Variants in BMPR1B observed in about 807,000 individuals in gnomAD.
BMPR1B encodes bone morphogenetic protein receptor type-1B.
BMPR1B carries 12 observed loss-of-function variants against 59.1 expected under a neutral mutation model. The observed-to-expected ratio is 0.20, with a 90% CI of 0.13 to 0.33. The LOEUF (loss-of-function observed/expected upper bound fraction) is 0.33, where lower values mean the gene tolerates loss of function less well. BMPR1B is among the 10% of genes least tolerant of loss of function. BMPR1B has a pLI of 1.00. For missense variants in BMPR1B, 550 were observed against 610.9 expected (o/e 0.90, Z 1.05); for synonymous variants, 237 against 207.3 (o/e 1.14, Z -1.23).
At chr4:94,984,094 G>T (rs1437238623) in intron 2 of BMPR1B, among the ~76,000 whole-genome samples, 1 of 152,196 alleles carries the variant, frequency 6.6e-6, no homozygotes, top group Non-Finnish European at 1.5e-5. Context: ...CAATTGGAGG[G>T]GGAGGGCATG....
At chr4:94,838,934 C>T (rs922570603) in intron 1 of BMPR1B, among the ~76,000 whole-genome samples, 10 of 138,878 alleles carry the variant, frequency 7.2e-5, no homozygotes, top group East Asian at 2.0e-4. Flanking sequence ...GCTTTGAATG[C>T]GTCCCAGAGA....
At chr4:95,038,401 A>C (rs1258499829) in intron 3 of BMPR1B, among the ~76,000 whole-genome samples, 1 of 152,172 alleles carries the variant, frequency 6.6e-6, no homozygotes, top group Non-Finnish European at 1.5e-5. Flanking sequence ...TTTCGTCTAA[A>C]GCTTCTCACA....
chr4:95,028,442 GTAT>G (rs1049649188), intron 3 of BMPR1B, among the ~76,000 whole-genome samples: 8 of 152,062 alleles, frequency 5.3e-5, no homozygotes, highest in African/African-American at 1.9e-4. Flanking sequence ...CTGTCAAGGG[GTAT>G]TTATGGATAT....
Position 94,974,469 on chromosome 4 carries a change from A to G in BMPR1B, c.-112-21571A>G, listed in dbSNP as rs188974475. ...TCATGTATCCCTCATTGCCTTCCCA[A>G]CTCTGTCCTGAAATCACTGATGCAG... On this transcript the variant is annotated intron_variant, in intron 2 of 12. Coordinates refer to ENST00000515059, the MANE Select transcript of BMPR1B (RefSeq NM_001203.3). Among the ~76,000 whole-genome samples, 356 of 151,604 alleles carry G rather than the reference A, an allele frequency of 2.3e-3. 2 individuals carry two copies. Among genetic ancestry groups the G allele is most frequent in the African/African-American group, 8.0e-3 (331 of 41,330 alleles).
chr4:95,039,199 A>G (rs1725472517), intron 3 of BMPR1B, among the ~76,000 whole-genome samples: 1 of 152,344 alleles, frequency 6.6e-6, no homozygotes, highest in South Asian at 2.1e-4. Context: ...TATCGTGATC[A>G]CTAAAGTTCG....
chr4:94,874,573 A>G (rs972328439), intron 1 of BMPR1B, among the ~76,000 whole-genome samples: 1 of 152,194 alleles, frequency 6.6e-6, no homozygotes, highest in South Asian at 2.1e-4. Context: ...GGTATTGGTG[A>G]TGTGAATACT....
intron 10 of BMPR1B, among the ~76,000 whole-genome samples, chr4:95,134,731 T>C (rs1418084978): frequency 1.3e-5 from 2 of 152,162 alleles, no homozygotes; most frequent in Non-Finnish European, 2.9e-5. Context: ...TTCTTGTAAA[T>C]TTGTTTGAGT....
At chr4:94,970,281 CTTCTCTTCTCTTCTCTTCTCT>C (rs1560573073) in intron 2 of BMPR1B, among the ~76,000 whole-genome samples, 1 of 112,564 alleles carries the variant, frequency 8.9e-6, no homozygotes. Context: ...CTTCTCTTCT[CTTCTCTTCTCTTCTCTTCTCT>C]TCTTTCTCTC....
chr4:94,834,871 T>C (rs746746489), intron 1 of BMPR1B, among the ~76,000 whole-genome samples: 7 of 151,836 alleles, frequency 4.6e-5, no homozygotes, highest in Non-Finnish European at 7.4e-5. Context: ...TTCCTACTTC[T>C]TGAACCAAAT....
At chr4:94,862,165 T>G (rs2148957648) in intron 1 of BMPR1B, among the ~76,000 whole-genome samples, 1 of 152,090 alleles carries the variant, frequency 6.6e-6, no homozygotes, top group South Asian at 2.1e-4. Flanking sequence ...TTTGTTGTTT[T>G]TTTGAGATGG....
chr4:94,882,978 A>ATGTGTGTGTGTG (rs112253431), intron 2 of BMPR1B, among the ~76,000 whole-genome samples: 113 of 144,566 alleles, frequency 7.8e-4, no homozygotes, highest in African/African-American at 2.7e-3. Flanking sequence ...GTGTGTGTGT[A>ATGTGTGTGTGTG]TGTGTGTGTG....
intron 1 of BMPR1B, among the ~76,000 whole-genome samples, chr4:94,776,850 C>T (rs1376274496): frequency 6.6e-6 from 1 of 152,110 alleles, no homozygotes; most frequent in African/African-American, 2.4e-5. Flanking sequence ...TCACCTGAAA[C>T]TGCACCACTT....
intron 1 of BMPR1B, among the ~76,000 whole-genome samples, chr4:94,858,136 G>A (rs1453798117): frequency 6.6e-6 from 1 of 151,422 alleles, no homozygotes; most frequent in Non-Finnish European, 1.5e-5. Context: ...ATTTTTAGTA[G>A]AGACAGGGTT....
chr4:95,114,872 C>G, intron 5 of BMPR1B, 50 bp downstream of exon 5: 1 of 1,496,146 alleles, frequency 6.7e-7, no homozygotes, highest in Non-Finnish European at 9.3e-7. Context: ...AGATTTCCAA[C>G]AAGTTTCAAG....
At chr4:94,914,116 T>G (rs1003258531) in intron 2 of BMPR1B, among the ~76,000 whole-genome samples, 1 of 152,008 alleles carries the variant, frequency 6.6e-6, no homozygotes, top group African/African-American at 2.4e-5. Flanking sequence ...AAGCTTAAGT[T>G]TGAGTGGTAG....
At chr4:95,027,955 A>G (rs911483489) in intron 3 of BMPR1B, among the ~76,000 whole-genome samples, 1 of 152,178 alleles carries the variant, frequency 6.6e-6, no homozygotes, top group African/African-American at 2.4e-5. Flanking sequence ...TATTCAATTG[A>G]TTTAACTTAA....
At chr4:95,055,742 C>G (rs1179071127) in intron 3 of BMPR1B, among the ~76,000 whole-genome samples, 1 of 152,082 alleles carries the variant, frequency 6.6e-6, no homozygotes, top group Non-Finnish European at 1.5e-5. Flanking sequence ...TTGGTTTCAC[C>G]TTTTTTTATT....
chr4:94,998,177 G>C (rs1265771056), intron 3 of BMPR1B, among the ~76,000 whole-genome samples: 2 of 152,016 alleles, frequency 1.3e-5, no homozygotes, highest in East Asian at 3.8e-4. Context: ...CCTGACATTG[G>C]TTATCATATT....
chr4:94,778,901 AT>A (rs75029018), intron 1 of BMPR1B, among the ~76,000 whole-genome samples: 38 of 151,024 alleles, frequency 2.5e-4, no homozygotes, highest in African/African-American at 4.6e-4. Context: ...ACTTTTAGGG[AT>A]TTTTTTTTGT....
Sources: allele counts gnomAD v4.1 joint callset (sites outside exome capture counted in the v4.1 genomes callset), GRCh38; gene constraint gnomAD v4.1.1; transcripts MANE v1.5; gene names NCBI Gene and HGNC (gene_info 2026-07-23, HGNC 2026-07-21).